Variants in DDR2 observed in about 807,000 individuals in gnomAD.
DDR2 encodes discoidin domain-containing receptor 2.
DDR2 carries 27 observed loss-of-function variants against 94.9 expected under a neutral mutation model. That is an observed-to-expected ratio of 0.28 (90% CI 0.21 to 0.39). The LOEUF is 0.39. Among genes scored for constraint, DDR2 ranks in the 10% least tolerant of loss-of-function variants. The pLI is 1.00. For synonymous variants in DDR2, 382 were observed against 377.2 expected, an observed-to-expected ratio of 1.01 and a Z score of -0.15; for missense variants, 783 against 1,076.0, an observed-to-expected ratio of 0.73 and a Z score of 3.81.
chr1:162,770,839 G>C, intron 12 of DDR2: 1 of 386,700 alleles, frequency 2.6e-6, no homozygotes, highest in South Asian at 2.2e-5. Context: ...TCGGGAAAGT[G>C]AGAAAGTCCA....
rs61342090 is a variant in DDR2 at position 162,787,346 on chromosome 1, C to T, written c.*7100C>T. On this transcript the variant is annotated 3_prime_UTR_variant, in exon 18 of 18. Coordinates refer to ENST00000367921, the MANE Select transcript of DDR2 (RefSeq NM_006182.4). ...TATTATGATGGTTATCAAGCTGTGT[C>T]CTATGAGTGATAAAATATTTGTAAA... 1,148 of 150,676 alleles carry T rather than the reference C, an allele frequency of 7.6e-3. 12 individuals carry two copies. The highest frequency in any genetic ancestry group is 0.026 in the African/African-American group (1,077 of 40,970). The allele number at this position is 150,676 out of a possible 1,614,324, so 9.3% of individuals were successfully genotyped here. A position where few individuals can be genotyped will look rare whatever the true frequency, so the allele number is the denominator to read the frequency against.
intron 7 of DDR2, among the ~76,000 whole-genome samples, chr1:162,759,049 G>C (rs1663591591): frequency 6.6e-6 from 1 of 152,112 alleles, no homozygotes; most frequent in Non-Finnish European, 1.5e-5. Flanking sequence ...CTCTTACTCA[G>C]AAGTCAAAAA....
At chr1:162,673,622 A>T (rs958222201) in intron 2 of DDR2, among the ~76,000 whole-genome samples, 180 of 149,942 alleles carry the variant, frequency 1.2e-3, no homozygotes, top group African/African-American at 4.1e-3. Context: ...AGAGAGAGAG[A>T]GAGAGAGAGA....
At chr1:162,676,871 C>T (rs76420906) in intron 2 of DDR2, among the ~76,000 whole-genome samples, 6,976 of 152,268 alleles carry the variant, frequency 0.046, 232 homozygotes, top group East Asian at 0.13. Flanking sequence ...GCCTGGGCTC[C>T]GAACAAGCAC....
In DDR2 at chr1:162,759,880, C is replaced by T. The variant is rs372704893; in HGVS notation, c.756C>T (p.Pro252=). 8.7e-6 allele frequency: 14 copies of T among 1,613,980 alleles called. No homozygotes were observed. The highest frequency in any genetic ancestry group is 2.2e-5 in the East Asian group (1 of 44,892). The change falls in exon 8 of 18, where the codon CCC becomes CCT. Residue 252 remains proline, a synonymous_variant. Transcript: ENST00000367921. The part of the protein sequence containing the change: ...FTQTHEYHVW[P]GYDYVGWRNE... ...AGACCCATGAATACCACGTGTGGCC[C>T]GGCTATGACTATGTGGGCTGGCGGA...
At chr1:162,696,773 C>G (rs973439913) in intron 2 of DDR2, among the ~76,000 whole-genome samples, 5 of 152,090 alleles carry the variant, frequency 3.3e-5, no homozygotes, top group African/African-American at 9.7e-5. Context: ...AAATCAGAGG[C>G]AGCTTGTGCC....
chr1:162,645,489 C>T (rs1483920597), intron 1 of DDR2, among the ~76,000 whole-genome samples: 1 of 151,764 alleles, frequency 6.6e-6, no homozygotes, highest in Admixed American at 6.6e-5. Flanking sequence ...ACTATGAAAC[C>T]CAATAAAATT....
At chr1:162,760,192 C>CT (rs1165632864) in intron 8 of DDR2, among the ~76,000 whole-genome samples, 2 of 151,884 alleles carry the variant, frequency 1.3e-5, no homozygotes, top group East Asian at 3.9e-4. Context: ...AGTGAGCTCT[C>CT]TTTTTTTTGT....
At chr1:162,643,852 C>G (rs1399695089) in intron 1 of DDR2, among the ~76,000 whole-genome samples, 1 of 152,136 alleles carries the variant, frequency 6.6e-6, no homozygotes. Flanking sequence ...GAACTAAGCC[C>G]TCATTGGGGT....
intron 5 of DDR2, 83 bp from the exon 6 acceptor site, chr1:162,755,073 A>AG: frequency 6.3e-7 from 1 of 1,580,052 alleles, no homozygotes; most frequent in Non-Finnish European, 8.7e-7. Flanking sequence ...AAGAAGAGAG[A>AG]GTCCATCAAA....
At chr1:162,754,470 G>A (rs1010868648) in intron 4 of DDR2, among the ~76,000 whole-genome samples, 154 bp from the exon 5 acceptor site, 5 of 152,192 alleles carry the variant, frequency 3.3e-5, no homozygotes, top group African/African-American at 1.2e-4. Flanking sequence ...AATGGGTACT[G>A]TGGTGGCAGT....
At chr1:162,753,311 G>A (rs1655568660) in intron 4 of DDR2, 114 bp downstream of exon 4, 2 of 938,158 alleles carry the variant, frequency 2.1e-6, no homozygotes, top group Admixed American at 2.0e-5. Context: ...GAACTGTTGA[G>A]AAATGAAGGA....
rs200485390 is a variant in DDR2 at position 162,770,460 on chromosome 1, A to G, written c.1452A>G (p.Pro484=). 1.5e-5 allele frequency: 25 copies of G among 1,614,148 alleles called. No individual in the cohort carries two copies. The Middle Eastern group carries it at 4.9e-4, about 32-fold the overall frequency. ...IFPLRPDYQE[P]SRLIRKLPEF... ...CCCTTCGCCCTGACTACCAGGAGCC[A>G]TCCAGGCTGATACGAAAACTCCCAG... Residue 484 remains proline, a synonymous_variant, in exon 12 of 18, where the codon CCA becomes CCG. Transcript: ENST00000367921.
At chr1:162,715,713 T>C (rs1213773097) in intron 2 of DDR2, among the ~76,000 whole-genome samples, 2 of 152,220 alleles carry the variant, frequency 1.3e-5, no homozygotes, top group African/African-American at 4.8e-5. Context: ...TTTAACCTCT[T>C]TCTCCTTAGC....
intron 2 of DDR2, among the ~76,000 whole-genome samples, chr1:162,677,029 G>C (rs2101948960): frequency 6.6e-6 from 1 of 152,290 alleles, no homozygotes; most frequent in Admixed American, 6.5e-5. Context: ...ACGGGGTTTT[G>C]GCCAATCACA....
At chr1:162,651,152 T>G (rs188895975) in intron 1 of DDR2, among the ~76,000 whole-genome samples, 1 of 152,200 alleles carries the variant, frequency 6.6e-6, no homozygotes, top group Non-Finnish European at 1.5e-5. Flanking sequence ...CATGCCAGGT[T>G]CAGCCTCACA....
intron 2 of DDR2, among the ~76,000 whole-genome samples, chr1:162,681,483 T>C (rs562712887): frequency 7.9e-5 from 12 of 152,272 alleles, no homozygotes; most frequent in Admixed American, 3.9e-4. Context: ...TAAGATAGGG[T>C]TGTAGTATGT....
chr1:162,761,881 C>T (rs1663764384), intron 9 of DDR2, among the ~76,000 whole-genome samples: 1 of 152,064 alleles, frequency 6.6e-6, no homozygotes, highest in Non-Finnish European at 1.5e-5. Flanking sequence ...TTTGTTTCAC[C>T]CATTCCTTCC....
Position 162,754,639 on chromosome 1 carries a change from A to G in DDR2, c.201A>G (p.Glu67=), listed in dbSNP as rs2102132444. ...ACCTCTCAAGGCTGGACTCAGAAGA[A>G]GGGGATGGAGCCTGGTGCCCTGAGA... ...AAKYGRLDSE[E]GDGAWCPEIP... is the part of the protein sequence containing the mutation. Residue 67 remains glutamate (E), a synonymous_variant, in exon 5 of 18, where the codon GAA becomes GAG. Transcript: ENST00000367921. 5 of 1,614,094 alleles carry G rather than the reference A, an allele frequency of 3.1e-6. No individual in the cohort carries two copies. Among genetic ancestry groups the G allele is most frequent in the Non-Finnish European group, 3.4e-6 (4 of 1,179,988 alleles).
Sources: allele counts gnomAD v4.1 joint callset (sites outside exome capture counted in the v4.1 genomes callset), GRCh38; gene constraint gnomAD v4.1.1; transcripts MANE v1.5; gene names NCBI Gene and HGNC (gene_info 2026-07-23, HGNC 2026-07-21).